The following MREG variants were observed in gnomAD, a reference collection of about 807,000 sequenced individuals.
The protein encoded by MREG is melanoregulin.
MREG carries 31 observed loss-of-function variants against 28.5 expected under a neutral mutation model. The observed-to-expected ratio is 1.09, with a 90% CI of 0.82 to 1.47. The LOEUF is 1.47. MREG is among the 40% of genes most tolerant of loss of function. The pLI is 0.00. For missense variants in MREG, 256 were observed against 257.4 expected (o/e 0.99, Z 0.04); for synonymous variants, 106 against 95.2 (o/e 1.11, Z -0.66).
At chr2:215,997,722 G>C (rs117237900) in intron 1 of MREG, among the ~76,000 whole-genome samples, 2 of 152,200 alleles carry the variant, frequency 1.3e-5, no homozygotes. Flanking sequence ...GAAGGCAGGC[G>C]TCAGGTAGGT....
At chr2:215,951,456 C>T (rs1692482828) in intron 2 of MREG, among the ~76,000 whole-genome samples, 1 of 152,174 alleles carries the variant, frequency 6.6e-6, no homozygotes, top group Non-Finnish European at 1.5e-5. Context: ...TTCTACCAGA[C>T]ATCAAAAGTT....
intron 1 of MREG, among the ~76,000 whole-genome samples, chr2:216,012,965 C>T (rs1363530310): frequency 6.6e-6 from 1 of 152,200 alleles, no homozygotes; most frequent in Non-Finnish European, 1.5e-5. Context: ...CTTCCCTGCC[C>T]AGGTAGGACA....
At chr2:215,965,776 C>T (rs1401874008) in intron 2 of MREG, among the ~76,000 whole-genome samples, 1 of 152,090 alleles carries the variant, frequency 6.6e-6, no homozygotes. Context: ...GGGCTGTGAT[C>T]CATTCATTGA....
chr2:215,957,997 A>G (rs1041361977), intron 2 of MREG, among the ~76,000 whole-genome samples: 1 of 151,896 alleles, frequency 6.6e-6, no homozygotes, highest in Admixed American at 6.6e-5. Flanking sequence ...TCAGCAAACT[A>G]TCGCAAGGAC....
In MREG at chr2:216,031,521, G is replaced by GAGA. The variant is rs1694698883; in HGVS notation, c.-68+1267_-68+1268insTCT. Among the ~76,000 whole-genome samples, 4 of 65,620 alleles carry GAGA rather than the reference G, an allele frequency of 6.1e-5. No individual in the cohort carries two copies. In the East Asian group the frequency reaches 2.2e-3, roughly 36 times the overall value. 43.0% of individuals were successfully genotyped at this position (65,620 alleles called of 152,430 possible). The stretch of plus-strand genomic sequence containing the variant: ...AAAGAAAGAGAGAAAGGAAGGAAGG[G>GAGA]AAAAGAAAAGAAAGAAGGAAGGAAG... On this transcript the variant is annotated intron_variant, in intron 1 of 3. Coordinates refer to the MREG transcript ENST00000420348.
intron 1 of MREG, among the ~76,000 whole-genome samples, chr2:215,997,323 T>G (rs1574640341): frequency 6.6e-6 from 1 of 152,196 alleles, no homozygotes; most frequent in African/African-American, 2.4e-5. Context: ...GTTTTATGAT[T>G]TATGCCTTAT....
intron 1 of MREG, among the ~76,000 whole-genome samples, chr2:216,011,051 A>G (rs1050602468): frequency 2.0e-5 from 3 of 148,616 alleles, no homozygotes. Flanking sequence ...AGCCGAGATC[A>G]TGCCACTGCA....
rs550847465 is a variant in MREG at position 215,985,125 on chromosome 2, T to A, written c.255+11181A>T. Among the ~76,000 whole-genome samples the A allele has an allele frequency of 2.6e-4, 40 of 152,302 alleles. No individual in the cohort carries two copies. The South Asian group carries it at 8.1e-3, about 31-fold the overall frequency. ...GAGTTGTTGTTAAAGAGGACACAGT[T>A]AACATATGCAAAGTGGTTAGAACAG... On this transcript the variant is annotated intron_variant, in intron 2 of 4. Coordinates refer to ENST00000263268, the MANE Select transcript of MREG (RefSeq NM_018000.3).
At chr2:215,999,323 G>T (rs1270297615) in intron 1 of MREG, among the ~76,000 whole-genome samples, 1 of 152,220 alleles carries the variant, frequency 6.6e-6, no homozygotes, top group Non-Finnish European at 1.5e-5. Context: ...GGTGAAGGAA[G>T]AACAAGAAGA....
intron 4 of MREG, 27 bp from the exon 5 acceptor site, chr2:215,945,024 A>G: frequency 6.5e-7 from 1 of 1,548,228 alleles, no homozygotes; most frequent in Non-Finnish European, 8.8e-7. Context: ...CAAACCAAAA[A>G]ACTGCTGGCA....
At chr2:215,977,537 A>G (rs1693295485) in intron 2 of MREG, among the ~76,000 whole-genome samples, 1 of 152,216 alleles carries the variant, frequency 6.6e-6, no homozygotes, top group Admixed American at 6.5e-5. Context: ...GACCTAATAG[A>G]CATCTACAGA....
At position 216,004,143 on chromosome 2, in the gene MREG, A is replaced by G. The variant is rs57648501; in HGVS notation, c.96-7678T>C. ...CCCTTGCACTGGCTGATCTCCATCT[A>G]CCTAGAATGTTTTTCTCCTGACAGC... is the stretch of plus-strand genomic sequence containing the variant. On this transcript the variant is annotated intron_variant, in intron 1 of 4. Coordinates refer to ENST00000263268, the MANE Select transcript of MREG (RefSeq NM_018000.3). Among the ~76,000 whole-genome samples the G allele has an allele frequency of 4.8e-3, 730 of 152,120 alleles. 27 individuals carry two copies. In the East Asian group the frequency reaches 0.11, roughly 22 times the overall value.
At chr2:216,013,178 G>T in intron 1 of MREG, 55 bp downstream of exon 1, 1 of 1,497,410 alleles carries the variant, frequency 6.7e-7, no homozygotes, top group East Asian at 2.5e-5. Context: ...CCACACTCTC[G>T]GCGCCCGGCT....
chr2:216,022,295 C>A (rs1348874184), intron 1 of MREG, among the ~76,000 whole-genome samples: 4 of 152,052 alleles, frequency 2.6e-5, no homozygotes, highest in African/African-American at 9.7e-5. Flanking sequence ...GAGTACTATC[C>A]AGAGCCAAAA....
intron 1 of MREG, among the ~76,000 whole-genome samples, chr2:216,000,111 C>A (rs1028293964): frequency 1.3e-5 from 2 of 152,246 alleles, no homozygotes; most frequent in African/African-American, 4.8e-5. Flanking sequence ...ATATTCAGGG[C>A]TTGAGCCAAG....
chr2:215,955,328 C>A (rs1225472568), intron 2 of MREG, among the ~76,000 whole-genome samples: 1 of 152,166 alleles, frequency 6.6e-6, no homozygotes, highest in Non-Finnish European at 1.5e-5. Flanking sequence ...AAAACTTGAA[C>A]ATTCCTTAAG....
downstream of MREG, among the ~76,000 whole-genome samples, chr2:215,942,201 T>C (rs1692206034): frequency 6.6e-6 from 1 of 152,164 alleles, no homozygotes; most frequent in African/African-American, 2.4e-5. Flanking sequence ...TCCATCCATC[T>C]ACCACCCCAA....
Position 215,991,001 on chromosome 2 carries a change from A to T in MREG, c.255+5305T>A, listed in dbSNP as rs138200788. On this transcript the variant is annotated intron_variant, in intron 2 of 4. Coordinates refer to ENST00000263268, the MANE Select transcript of MREG (RefSeq NM_018000.3). ...GATAGATCAACGAGACAGAAAATTA[A>T]CAAGGATATACAGGAGTTAAACTCA... Among the ~76,000 whole-genome samples, 493 of 152,342 alleles carry T rather than the reference A, an allele frequency of 3.2e-3. 2 individuals carry two copies. Among genetic ancestry groups the T allele is most frequent in the African/African-American group, 0.011 (469 of 41,578 alleles).
intron 2 of MREG, among the ~76,000 whole-genome samples, chr2:215,992,918 C>G (rs1343399251): frequency 6.6e-6 from 1 of 152,072 alleles, no homozygotes; most frequent in African/African-American, 2.4e-5. Context: ...TAAGAGAGGA[C>G]ACAAACAAAC....
Sources: gnomAD v4.1 joint callset for allele counts (sites outside exome capture counted in the v4.1 genomes callset) on GRCh38, gnomAD v4.1.1 for gene constraint, MANE v1.5 for transcripts, NCBI Gene and HGNC (gene_info 2026-07-23, HGNC 2026-07-21) for gene names.